The following CACNA1E variants were observed in gnomAD, a reference collection of about 807,000 sequenced individuals.
The protein encoded by CACNA1E is calcium voltage-gated channel subunit alpha1 E.
In CACNA1E, 40 loss-of-function variants were observed where a neutral mutation model predicts 259.2. That is an observed-to-expected ratio of 0.15 (90% CI 0.12 to 0.20). The LOEUF (loss-of-function observed/expected upper bound fraction) is 0.20, where lower values mean the gene tolerates loss of function less well. CACNA1E is among the 10% of genes least tolerant of loss of function. The pLI is 1.00. For synonymous variants in CACNA1E, 1,104 were observed against 1,138.5 expected (o/e 0.97, Z 0.61); for missense variants, 1,874 against 3,040.1 (o/e 0.62, Z 9.02).
At chr1:181,416,557 C>T (rs1188862370) in intron 2 of CACNA1E, among the ~76,000 whole-genome samples, 2 of 152,178 alleles carry the variant, frequency 1.3e-5, no homozygotes, top group Non-Finnish European at 2.9e-5. Flanking sequence ...AAGTCCTGTT[C>T]ATCCTCCTCA....
At chr1:181,738,263 C>T in intron 23 of CACNA1E, 104 bp from the exon 24 acceptor site, 1 of 870,804 alleles carries the variant, frequency 1.1e-6, no homozygotes. Flanking sequence ...TGGGTGAGGG[C>T]CAGGGTGGGC....
chr1:181,755,218 C>T lies in CACNA1E; in HGVS notation c.3829-19C>T. On this transcript the variant is annotated intron_variant, in intron 27 of 47. Transcript: ENST00000367573. ...CCATCACAGGGTTCACACAGCAGGG[C>T]TGTTTGCTCTGTCCACAGGCCGTCT... The T allele has an allele frequency of 6.2e-7, 1 of 1,608,062 alleles. No homozygotes were observed. Among genetic ancestry groups the T allele is most frequent in the Non-Finnish European group, 8.5e-7 (1 of 1,176,306 alleles).
intron 1 of CACNA1E, among the ~76,000 whole-genome samples, chr1:181,399,558 G>C (rs1656937635): frequency 6.6e-6 from 1 of 152,136 alleles, no homozygotes; most frequent in South Asian, 2.1e-4. Flanking sequence ...AAAGAGGGTG[G>C]TAATGAAATA....
At chr1:181,590,416 A>ATATATATATATATATATAT (rs1419171903) in intron 6 of CACNA1E, among the ~76,000 whole-genome samples, 9 of 115,884 alleles carry the variant, frequency 7.8e-5, no homozygotes, top group African/African-American at 3.3e-4. Context: ...AAAAAAAAAA[A>ATATATATATATATATATAT]ATATATATAT....
chr1:181,592,490 C>T (rs1380552874), intron 6 of CACNA1E, among the ~76,000 whole-genome samples: 3 of 106,866 alleles, frequency 2.8e-5, no homozygotes, highest in South Asian at 3.1e-4. Flanking sequence ...CTCCAGTGAC[C>T]GGTGGGGGGT....
intron 7 of CACNA1E, among the ~76,000 whole-genome samples, chr1:181,683,377 T>C (rs1650184723): frequency 6.6e-6 from 1 of 152,212 alleles, no homozygotes; most frequent in South Asian, 2.1e-4. Flanking sequence ...TCCTGCAGCA[T>C]TGTGTTCCAT....
chr1:181,488,182 G>T (rs1233410294), intron 1 of CACNA1E, among the ~76,000 whole-genome samples: 2 of 152,136 alleles, frequency 1.3e-5, no homozygotes, highest in East Asian at 3.8e-4. Flanking sequence ...TCCCATTTTG[G>T]TGTCTTCTTT....
chr1:181,321,944 C>T (rs1211216851), intron 1 of CACNA1E, among the ~76,000 whole-genome samples: 1 of 152,202 alleles, frequency 6.6e-6, no homozygotes. Flanking sequence ...TGGCTTTCTG[C>T]TCTGTGCTCT....
chr1:181,623,894 G>A (rs1182662610), intron 6 of CACNA1E, among the ~76,000 whole-genome samples: 5 of 152,174 alleles, frequency 3.3e-5, no homozygotes, highest in African/African-American at 4.8e-5. Context: ...GTCTTAAAAC[G>A]TCTTAGTGTG....
intron 13 of CACNA1E, 82 bp from the exon 14 acceptor site, chr1:181,720,124 C>T: frequency 6.7e-7 from 1 of 1,495,920 alleles, no homozygotes; most frequent in Non-Finnish European, 9.2e-7. Context: ...ATTTCATAGA[C>T]TACCAGGCAT....
chr1:181,608,972 A>T (rs6672231), intron 6 of CACNA1E, among the ~76,000 whole-genome samples: 1,999 of 152,316 alleles, frequency 0.013, 57 homozygotes, highest in African/African-American at 0.045. Flanking sequence ...AGCCTGGGCC[A>T]CACAGACAGC....
At chr1:181,433,696 T>C (rs1296135551) in intron 2 of CACNA1E, among the ~76,000 whole-genome samples, 1 of 152,238 alleles carries the variant, frequency 6.6e-6, no homozygotes, top group African/African-American at 2.4e-5. Flanking sequence ...AATTTCTTTT[T>C]CTGGAGATTT....
At chr1:181,791,939 C>T (rs770684697) in intron 44 of CACNA1E, among the ~76,000 whole-genome samples, 3 of 152,152 alleles carry the variant, frequency 2.0e-5, no homozygotes, top group Non-Finnish European at 2.9e-5. Flanking sequence ...CTATCTCCTG[C>T]GAGTGCTGAG....
intron 1 of CACNA1E, among the ~76,000 whole-genome samples, chr1:181,364,470 G>A (rs1343362335): frequency 6.6e-6 from 1 of 152,184 alleles, no homozygotes; most frequent in Non-Finnish European, 1.5e-5. Flanking sequence ...ATGAATCACT[G>A]TGATCAGAGG....
At chr1:181,698,386 G>A (rs572732811) in intron 7 of CACNA1E, among the ~76,000 whole-genome samples, 29 of 152,312 alleles carry the variant, frequency 1.9e-4, no homozygotes, top group South Asian at 1.9e-3. Context: ...CATACTAGGC[G>A]CCATGACTGG....
chr1:181,391,945 C>CTGTGTGTGTGTGTGTGTGTG (rs201388697), intron 1 of CACNA1E, among the ~76,000 whole-genome samples: 1 of 118,194 alleles, frequency 8.5e-6, no homozygotes, highest in African/African-American at 3.9e-5. Context: ...CTCTCTCTCT[C>CTGTGTGTGTGTGTGTGTGTG]TGTGTGTGTG....
intron 13 of CACNA1E, 49 bp downstream of exon 13, chr1:181,719,912 C>CT: frequency 3.8e-6 from 4 of 1,066,278 alleles, no homozygotes; most frequent in Non-Finnish European, 5.6e-6. Flanking sequence ...AGAGTAGAAC[C>CT]TTTTTTCTGC....
At chr1:181,570,753 T>G (rs548336709) in intron 3 of CACNA1E, among the ~76,000 whole-genome samples, 29 of 152,326 alleles carry the variant, frequency 1.9e-4, no homozygotes, top group African/African-American at 6.3e-4. Flanking sequence ...ATCTTCTGCC[T>G]TTTTCTTGTA....
chr1:181,759,071 A>G (rs548322481), intron 32 of CACNA1E, among the ~76,000 whole-genome samples: 1 of 152,354 alleles, frequency 6.6e-6, no homozygotes, highest in South Asian at 2.1e-4. Context: ...AGCCACAGCC[A>G]TCAGCCTGGT....
Sources: allele counts gnomAD v4.1 joint callset (sites outside exome capture counted in the v4.1 genomes callset), GRCh38; gene constraint gnomAD v4.1.1; transcripts MANE v1.5; gene names NCBI Gene and HGNC (gene_info 2026-07-23, HGNC 2026-07-21).